The following FSTL4 variants were observed in gnomAD, a reference collection of about 807,000 sequenced individuals.
FSTL4 encodes the protein follistatin-related protein 4.
FSTL4 carries 28 observed loss-of-function variants against 78.2 expected under a neutral mutation model. That is an observed-to-expected ratio of 0.36 (90% CI 0.27 to 0.49). FSTL4 has a LOEUF of 0.49. Ranked by LOEUF, FSTL4 falls within the 20% of genes least tolerant of loss-of-function variation. The probability of loss-of-function intolerance (pLI) is 0.98; values close to 1 mark genes in which losing one functional copy is unlikely to be tolerated. For missense variants in FSTL4, 922 were observed against 1,084.9 expected (o/e 0.85, Z 2.11); for synonymous variants, 422 against 440.5 (o/e 0.96, Z 0.53).
chr5:133,802,887 C>T, the FSTL4 span, among the ~76,000 whole-genome samples: 2 of 152,302 alleles, frequency 1.3e-5, no homozygotes, highest in African/African-American at 4.8e-5. Context: ...TATAGGTGTA[C>T]ACAACTTAGC....
the FSTL4 span, among the ~76,000 whole-genome samples, chr5:133,641,253 AAC>A: frequency 2.7e-5 from 4 of 149,982 alleles, no homozygotes; most frequent in African/African-American, 7.4e-5. Context: ...AACAAAACAA[AAC>A]ACACACACAA....
intron 3 of FSTL4, among the ~76,000 whole-genome samples, chr5:133,485,193 G>A (rs532059009): frequency 6.6e-6 from 1 of 152,330 alleles, no homozygotes; most frequent in East Asian, 1.9e-4. Context: ...GCCACAAAGA[G>A]GACACTTCAG....
chr5:133,803,452 G>A, the FSTL4 span, among the ~76,000 whole-genome samples: 8 of 152,122 alleles, frequency 5.3e-5, no homozygotes, highest in Non-Finnish European at 1.2e-4. Context: ...TCCCACTACA[G>A]GCTTTTGTTT....
intron 2 of FSTL4, among the ~76,000 whole-genome samples, chr5:133,600,406 A>T (rs1024604871): frequency 1.5e-5 from 2 of 132,366 alleles, no homozygotes; most frequent in South Asian, 5.4e-4. Context: ...GTCAAAATGC[A>T]TCTGTGTAGG....
chr5:133,681,961 G>A, the FSTL4 span, among the ~76,000 whole-genome samples: 3 of 152,210 alleles, frequency 2.0e-5, no homozygotes, highest in Non-Finnish European at 4.4e-5. Context: ...GGAGAAAGTG[G>A]GCTGTTGCTG....
chr5:133,737,898 C>T, the FSTL4 span, among the ~76,000 whole-genome samples: 18 of 152,202 alleles, frequency 1.2e-4, no homozygotes, highest in East Asian at 2.3e-3. Flanking sequence ...CCACCGCGCC[C>T]GGCCTGATTT....
intron 4 of FSTL4, among the ~76,000 whole-genome samples, chr5:133,378,462 T>C (rs1294340337): frequency 6.6e-6 from 1 of 152,256 alleles, no homozygotes; most frequent in Non-Finnish European, 1.5e-5. Flanking sequence ...AAACCAGCAA[T>C]GGTAAATAAG....
chr5:133,488,077 C>T (rs962857453), intron 3 of FSTL4, among the ~76,000 whole-genome samples: 2 of 152,196 alleles, frequency 1.3e-5, no homozygotes, highest in African/African-American at 2.4e-5. Flanking sequence ...AGAATTCAGA[C>T]CTCTTCCTGA....
chr5:133,665,935 C>T, the FSTL4 span, among the ~76,000 whole-genome samples: 5 of 152,174 alleles, frequency 3.3e-5, no homozygotes, highest in African/African-American at 7.2e-5. Context: ...CTGCAGAGTC[C>T]GGAGCATCAC....
intron 7 of FSTL4, among the ~76,000 whole-genome samples, chr5:133,237,669 T>G (rs1451633735): frequency 2.0e-5 from 3 of 152,236 alleles, no homozygotes; most frequent in Non-Finnish European, 4.4e-5. Context: ...ATATGAATAC[T>G]GGCTACAGAA....
At chr5:133,589,371 C>G (rs1416633070) in intron 2 of FSTL4, among the ~76,000 whole-genome samples, 1 of 151,584 alleles carries the variant, frequency 6.6e-6, no homozygotes, top group Non-Finnish European at 1.5e-5. Context: ...CTTCCCAAGG[C>G]CAATTCTTAA....
chr5:133,636,316 G>C, the FSTL4 span, among the ~76,000 whole-genome samples: 2 of 152,170 alleles, frequency 1.3e-5, no homozygotes, highest in African/African-American at 2.4e-5. Flanking sequence ...CTCTGAGTGG[G>C]ATAGAAAGGA....
intron 15 of FSTL4, among the ~76,000 whole-genome samples, chr5:133,200,743 C>T (rs1750294882): frequency 6.6e-6 from 1 of 152,186 alleles, no homozygotes; most frequent in Non-Finnish European, 1.5e-5. Flanking sequence ...GTGCTGTGTA[C>T]ACCTGCAGGA....
At chr5:133,216,662 A>G (rs563955176) in intron 13 of FSTL4, among the ~76,000 whole-genome samples, 55 of 152,322 alleles carry the variant, frequency 3.6e-4, no homozygotes, top group African/African-American at 1.3e-3. Flanking sequence ...GTTTGTTAAC[A>G]CAACCACCAG....
chr5:133,274,386 T>TTTTTTTTTTTTC (rs1752832460), intron 6 of FSTL4, among the ~76,000 whole-genome samples: 1 of 146,734 alleles, frequency 6.8e-6, no homozygotes, highest in Non-Finnish European at 1.5e-5. Context: ...TGTGCTTTTT[T>TTTTTTTTTTTTC]TTTTTTTTTT....
intron 3 of FSTL4, among the ~76,000 whole-genome samples, chr5:133,526,395 G>A (rs1177958574): frequency 1.3e-5 from 2 of 152,146 alleles, no homozygotes; most frequent in African/African-American, 4.8e-5. Context: ...CTGGGTCTTG[G>A]AGGAAGAGGA....
the FSTL4 span, among the ~76,000 whole-genome samples, chr5:133,682,914 T>C: frequency 6.6e-6 from 1 of 151,992 alleles, no homozygotes; most frequent in African/African-American, 2.4e-5. Flanking sequence ...AGAGTAAGGC[T>C]TGTGTACAGT....
chr5:133,684,629 A>G, the FSTL4 span, among the ~76,000 whole-genome samples: 3 of 152,228 alleles, frequency 2.0e-5, no homozygotes, highest in African/African-American at 7.2e-5. Context: ...TCTGCCTTCG[A>G]GTATCCAGGG....
chr5:133,815,755 T>G, the FSTL4 span, among the ~76,000 whole-genome samples: 2 of 152,264 alleles, frequency 1.3e-5, no homozygotes, highest in South Asian at 2.1e-4. Flanking sequence ...GTTTGGTGTA[T>G]AGTTTTCCCT....
Sources: gnomAD v4.1 joint callset for allele counts (sites outside exome capture counted in the v4.1 genomes callset) on GRCh38, gnomAD v4.1.1 for gene constraint, MANE v1.5 for transcripts, NCBI Gene and HGNC (gene_info 2026-07-23, HGNC 2026-07-21) for gene names.